SLC6A4: variants seen among roughly 807,000 people sequenced by gnomAD.
The protein encoded by SLC6A4 is solute carrier family 6 member 4.
A neutral mutation model predicts 73.4 loss-of-function variants in SLC6A4; 22 were observed. The ratio of observed to expected loss-of-function variants is 0.30; its 90% CI spans 0.21 to 0.43. SLC6A4 has a LOEUF of 0.43. SLC6A4 is among the 20% of genes least tolerant of loss of function. SLC6A4 has a pLI of 1.00. For synonymous variants in SLC6A4, 270 were observed against 315.5 expected (o/e 0.86, Z 1.53); for missense variants, 593 against 808.5 (o/e 0.73, Z 3.23).
chr17:30,205,313 C>T (rs964930362), intron 13 of SLC6A4, among the ~76,000 whole-genome samples: 9 of 152,058 alleles, frequency 5.9e-5, no homozygotes, highest in Non-Finnish European at 1.2e-4. Flanking sequence ...TTCCTCACTG[C>T]GTGGGGAATA....
intron 1 of SLC6A4, among the ~76,000 whole-genome samples, chr17:30,232,949 T>C (rs988207487): frequency 6.6e-6 from 1 of 152,190 alleles, no homozygotes; most frequent in Non-Finnish European, 1.5e-5. Context: ...CGTGCCCACC[T>C]GGAAGAGCAA....
At chr17:30,229,088 A>G (rs1035506118) in intron 1 of SLC6A4, among the ~76,000 whole-genome samples, 1 of 152,272 alleles carries the variant, frequency 6.6e-6, no homozygotes, top group Admixed American at 6.5e-5. Context: ...TGCCTCACCC[A>G]TCGGGAAGAT....
rs2143015505 is a variant in SLC6A4, at chr17:30,221,739, G to A, written c.220C>T (p.Leu74Phe). ...PATTTTLVAE[L>F]HQGERETWGK... ...CAGGTCTCCCGTTCCCCTTGATGAA[G>A]CTCAGCCACTAGGGTGGTGGTGGTC... The change falls in exon 3 of 15, where the codon CTT becomes TTT. Residue 74 changes from leucine to phenylalanine, a missense_variant. Coordinates refer to ENST00000650711, the MANE Select transcript of SLC6A4 (RefSeq NM_001045.6). The A allele has an allele frequency of 1.9e-6, 3 of 1,614,182 alleles. No individual in the cohort carries two copies. Among genetic ancestry groups the A allele is most frequent in the Non-Finnish European group, 2.5e-6 (3 of 1,180,026 alleles).
In SLC6A4 at chr17:30,207,599, C is replaced by T. The variant is rs1488890664; in HGVS notation, c.1650+133G>A. 10 of 597,930 alleles carry T rather than the reference C, an allele frequency of 1.7e-5. No individual in the cohort carries two copies. The South Asian group carries it at 1.9e-4, about 12-fold the overall frequency. 37.0% of individuals were successfully genotyped at this position (597,930 alleles called of 1,614,324 possible). ...AGAGACGGGGTTTTGCCATGTTGGC[C>T]GCCTGCCTCAGACTCCCAAAGTGTT... On this transcript the variant is annotated intron_variant, in intron 13 of 14. Coordinates refer to ENST00000650711, the MANE Select transcript of SLC6A4 (RefSeq NM_001045.6).
rs57429941 is a variant in SLC6A4, at chr17:30,226,889, G to GAAAAAGAA, written c.-220-3975_-220-3974insTTCTTTTT. 3.1e-3 allele frequency among the ~76,000 whole-genome samples: 383 copies of GAAAAAGAA among 122,790 alleles called. 9 individuals are homozygous for GAAAAAGAA. Among genetic ancestry groups the GAAAAAGAA allele is most frequent in the African/African-American group, 0.012 (313 of 27,030 alleles). The allele number at this position is 122,790 out of a possible 152,430, so 80.6% of individuals were successfully genotyped here. On this transcript the variant is annotated intron_variant, in intron 1 of 14. Transcript: ENST00000650711. ...CTCTGTCTCAAAAAAAAAAGAAAAA[G>GAAAAAGAA]AAAGAAAAAAGAAACAAGGCAGGCA...
At chr17:30,228,139 C>T (rs1906984215) in intron 1 of SLC6A4, among the ~76,000 whole-genome samples, 1 of 152,240 alleles carries the variant, frequency 6.6e-6, no homozygotes, top group South Asian at 2.1e-4. Context: ...CCTCTGTTCA[C>T]AACCCATAGC....
At chr17:30,207,535 C>G (rs757423437) in intron 13 of SLC6A4, among the ~76,000 whole-genome samples, 197 bp downstream of exon 13, 3 of 152,020 alleles carry the variant, frequency 2.0e-5, no homozygotes, top group Middle Eastern at 3.2e-3. Context: ...TTACAGGTGC[C>G]CATCACCACA....
chr17:30,204,012 C>T (rs890823111), intron 13 of SLC6A4, among the ~76,000 whole-genome samples: 1 of 152,206 alleles, frequency 6.6e-6, no homozygotes, highest in Non-Finnish European at 1.5e-5. Flanking sequence ...TGAATGTCTG[C>T]CTGCCACAGG....
chr17:30,217,295 G>C lies in SLC6A4; in HGVS notation c.708C>G (p.Val236=), dbSNP rs761269674. ...SPAEEFYTRH[V]LQIHRSKGLQ... ...GCCCCTTAGACCGGTGGATCTGCAGGACGTGGCGCCTGGGGTGAAGGAGAA... is the reference window on the plus strand; with the variant it reads ...GCCCCTTAGACCGGTGGATCTGCAGCACGTGGCGCCTGGGGTGAAGGAGAA... Residue 236 remains valine (V), a synonymous_variant, in exon 6 of 15, where the codon GTC becomes GTG. Transcript: ENST00000650711. 4 of 1,613,750 alleles carry C rather than the reference G, an allele frequency of 2.5e-6. No individual in the cohort carries two copies. The highest frequency in any genetic ancestry group is 3.4e-6 in the Non-Finnish European group (4 of 1,179,918).
chr17:30,209,353 T>C, intron 11 of SLC6A4, 111 bp from the exon 12 acceptor site: 1 of 690,392 alleles, frequency 1.4e-6, no homozygotes, highest in Non-Finnish European at 2.5e-6. Flanking sequence ...AAATCCCACC[T>C]GGGACCGAAC....
intron 8 of SLC6A4, among the ~76,000 whole-genome samples, chr17:30,214,866 C>G (rs1405139762): frequency 6.6e-6 from 1 of 151,930 alleles, no homozygotes; most frequent in African/African-American, 2.4e-5. Flanking sequence ...ATCTCCTGAC[C>G]TCGTGATCCA....
At chr17:30,210,222 G>A (rs1906341096) in intron 11 of SLC6A4, among the ~76,000 whole-genome samples, 2 of 152,322 alleles carry the variant, frequency 1.3e-5, no homozygotes, top group Non-Finnish European at 2.9e-5. Flanking sequence ...GTGGAAATAG[G>A]CTGGAAAAGC....
chr17:30,210,699 C>T, intron 10 of SLC6A4, 53 bp from the exon 11 acceptor site: 1 of 1,563,192 alleles, frequency 6.4e-7, no homozygotes, highest in East Asian at 2.3e-5. Flanking sequence ...AAGGCTGTGG[C>T]CTTCAGGACA....
In SLC6A4 at chr17:30,218,357, G is replaced by C. The variant is rs775852726; in HGVS notation, c.479-20C>G. The C allele has an allele frequency of 6.3e-7, 1 of 1,592,970 alleles. No homozygotes were observed. Among genetic ancestry groups the C allele is most frequent in the South Asian group, 1.1e-5 (1 of 90,204 alleles). On this transcript the variant is annotated intron_variant, in intron 4 of 14. Transcript: ENST00000650711. ...CAATCCCTGGGCAGTGGGTGAGATG[G>C]AGAGACAGAGGCCGAGTTTAAGGGT... is the stretch of plus-strand genomic sequence containing the variant.
chr17:30,222,554 C>G (rs1477163460), intron 2 of SLC6A4, among the ~76,000 whole-genome samples: 1 of 152,188 alleles, frequency 6.6e-6, no homozygotes, highest in Admixed American at 6.5e-5. Flanking sequence ...ATCATTTAAG[C>G]TGCACACCCA....
chr17:30,199,234 T>C (rs1905954776), intron 14 of SLC6A4, among the ~76,000 whole-genome samples: 1 of 152,052 alleles, frequency 6.6e-6, no homozygotes, highest in African/African-American at 2.4e-5. Flanking sequence ...TGAAATATAC[T>C]TGGGCTTAGG....
intron 3 of SLC6A4, among the ~76,000 whole-genome samples, chr17:30,219,389 C>G (rs1211517712): frequency 6.6e-6 from 1 of 152,220 alleles, no homozygotes; most frequent in Non-Finnish European, 1.5e-5. Flanking sequence ...GGGCACAACA[C>G]AAAAATTGTG....
rs1357902152 is a variant in SLC6A4 at position 30,235,091 on chromosome 17, C to T, written c.-221+522G>A. On this transcript the variant is annotated intron_variant, in intron 1 of 14. Coordinates refer to ENST00000650711, the MANE Select transcript of SLC6A4 (RefSeq NM_001045.6). The surrounding 1 kb of genome is among the most constrained non-coding windows in gnomAD (Gnocchi z 4.5). ...AGCGCCTCAGCTCTGACAGTGAAAC[C>T]ACCCAAGCGCACGGAGACTCGGCCC... Among the ~76,000 whole-genome samples the T allele has an allele frequency of 6.6e-6, 1 of 152,116 alleles. No homozygotes were observed. The highest frequency in any genetic ancestry group is 1.5e-5 in the Non-Finnish European group (1 of 68,028).
At chr17:30,217,450 G>T (rs755714310) in intron 5 of SLC6A4, 146 bp from the exon 6 acceptor site, 61 of 745,752 alleles carry the variant, frequency 8.2e-5, no homozygotes, top group Non-Finnish European at 1.2e-4. Context: ...GAAGAGCTGG[G>T]ATTGGCCCTG....
Sources: allele counts gnomAD v4.1 joint callset (sites outside exome capture counted in the v4.1 genomes callset), GRCh38; gene constraint gnomAD v4.1.1; non-coding constraint Gnocchi (gnomAD v3.1); transcripts MANE v1.5; gene names NCBI Gene and HGNC (gene_info 2026-07-23, HGNC 2026-07-21).